ZSWIM6: variants seen among roughly 807,000 people sequenced by gnomAD.
ZSWIM6 encodes the protein zinc finger SWIM domain-containing protein 6.
In ZSWIM6, 9 loss-of-function variants were observed where a neutral mutation model predicts 113.2. That is an observed-to-expected ratio of 0.08 (90% CI 0.05 to 0.14). The LOEUF is 0.14. ZSWIM6 is among the 10% of genes least tolerant of loss of function. The pLI, the probability that ZSWIM6 is intolerant of heterozygous loss-of-function variation, is 1.00. For missense variants in ZSWIM6, 1,162 were observed against 1,552.2 expected, an observed-to-expected ratio of 0.75 and a Z score of 4.22; for synonymous variants, 611 against 606.5, an observed-to-expected ratio of 1.01 and a Z score of -0.11.
At position 61,472,291 on chromosome 5, in the gene ZSWIM6, G is replaced by C. The variant is rs944330482; in HGVS notation, c.677-390G>C. Reference sequence around the variant, plus strand: ...AGCTAGGTGACTCTGCTTAAAAAAGGAGTAGAAAAAAGAAGAAACCACTGA... The same window carrying C: ...AGCTAGGTGACTCTGCTTAAAAAAGCAGTAGAAAAAAGAAGAAACCACTGA... On this transcript the variant is annotated intron_variant, in intron 1 of 13. Coordinates refer to ENST00000252744, the MANE Select transcript of ZSWIM6 (RefSeq NM_020928.2). This position sits in a 1 kb window ranked among gnomAD's most constrained non-coding sequence, Gnocchi z 4.1. 6.6e-6 allele frequency among the ~76,000 whole-genome samples: 1 copy of C among 152,212 alleles called. No homozygotes were observed. The highest frequency in any genetic ancestry group is 2.1e-4 in the South Asian group (1 of 4,820).
At chr5:61,430,767 A>G (rs1410444678) in intron 1 of ZSWIM6, among the ~76,000 whole-genome samples, 1 of 152,200 alleles carries the variant, frequency 6.6e-6, no homozygotes, top group Non-Finnish European at 1.5e-5. Context: ...GATTTTTAAA[A>G]GGCTGTCTAC....
intron 4 of ZSWIM6, among the ~76,000 whole-genome samples, chr5:61,516,537 A>G (rs1313311210): frequency 1.4e-5 from 2 of 138,648 alleles, no homozygotes; most frequent in African/African-American, 2.5e-5. Context: ...TATATATCTT[A>G]TATATATATA....
chr5:61,504,578 C>T (rs1012345255), intron 4 of ZSWIM6, among the ~76,000 whole-genome samples: 1 of 152,144 alleles, frequency 6.6e-6, no homozygotes, highest in African/African-American at 2.4e-5. Flanking sequence ...ATTACAGTTC[C>T]AATCTGATGA....
chr5:61,537,557 G>A (rs1221643868), intron 10 of ZSWIM6, among the ~76,000 whole-genome samples: 2 of 121,440 alleles, frequency 1.6e-5, no homozygotes, highest in Admixed American at 1.5e-4. Flanking sequence ...GATATTCTGA[G>A]TTAAAAAAAA....
intron 4 of ZSWIM6, among the ~76,000 whole-genome samples, chr5:61,514,905 C>T (rs1227777599): frequency 6.6e-6 from 1 of 152,062 alleles, no homozygotes; most frequent in Admixed American, 6.6e-5. Flanking sequence ...GAACCCTTCC[C>T]TCCTCTTCCA....
At chr5:61,421,112 G>A (rs1423249862) in intron 1 of ZSWIM6, among the ~76,000 whole-genome samples, 1 of 152,002 alleles carries the variant, frequency 6.6e-6, no homozygotes, top group African/African-American at 2.4e-5. Flanking sequence ...TAGAGATGGG[G>A]TTTTGCCACG....
intron 1 of ZSWIM6, among the ~76,000 whole-genome samples, chr5:61,339,098 A>G (rs550788794): frequency 2.0e-5 from 3 of 152,304 alleles, no homozygotes; most frequent in South Asian, 2.1e-4. Context: ...TTACACTCAT[A>G]TTCACGGTTA....
intron 4 of ZSWIM6, among the ~76,000 whole-genome samples, chr5:61,497,493 G>C (rs369555651): frequency 4.6e-5 from 7 of 152,068 alleles, no homozygotes; most frequent in Non-Finnish European, 4.4e-5. Flanking sequence ...TAATATAAGT[G>C]CCTATGACAT....
chr5:61,440,629 C>T (rs1369191317), intron 1 of ZSWIM6, among the ~76,000 whole-genome samples: 2 of 152,114 alleles, frequency 1.3e-5, no homozygotes, highest in African/African-American at 4.8e-5. Flanking sequence ...ATACCTTTTC[C>T]CCACAGGTCT....
chr5:61,477,766 A>G (rs1747742863), intron 2 of ZSWIM6, among the ~76,000 whole-genome samples: 1 of 152,210 alleles, frequency 6.6e-6, no homozygotes, highest in Non-Finnish European at 1.5e-5. Context: ...GAGATTTATC[A>G]GGCTGAAACT....
chr5:61,466,327 G>A (rs1351884888), intron 1 of ZSWIM6, among the ~76,000 whole-genome samples: 2 of 151,932 alleles, frequency 1.3e-5, no homozygotes, highest in Non-Finnish European at 2.9e-5. Flanking sequence ...TATCATGGGA[G>A]CATTAACACT....
intron 1 of ZSWIM6, among the ~76,000 whole-genome samples, chr5:61,333,330 T>C (rs1354334276): frequency 2.0e-5 from 3 of 150,838 alleles, no homozygotes; most frequent in Non-Finnish European, 4.4e-5. Flanking sequence ...AGGGTGTGTG[T>C]GGCGGGGCTG....
intron 1 of ZSWIM6, among the ~76,000 whole-genome samples, chr5:61,414,404 G>C (rs1406266385): frequency 2.6e-5 from 4 of 152,160 alleles, no homozygotes; most frequent in Admixed American, 2.6e-4. Flanking sequence ...GAACAGTTTT[G>C]GGACGTGACA....
At chr5:61,468,824 C>T (rs1039192769) in intron 1 of ZSWIM6, among the ~76,000 whole-genome samples, 7 of 152,096 alleles carry the variant, frequency 4.6e-5, no homozygotes, top group Non-Finnish European at 8.8e-5. Context: ...CCAAAATACA[C>T]CACTATACAA....
chr5:61,542,379 TAAG>T (rs974007759), intron 13 of ZSWIM6, among the ~76,000 whole-genome samples: 1 of 152,184 alleles, frequency 6.6e-6, no homozygotes, highest in East Asian at 1.9e-4. Flanking sequence ...TAGCTGGCCA[TAAG>T]AAGATTTCCT....
intron 1 of ZSWIM6, among the ~76,000 whole-genome samples, chr5:61,447,986 G>A (rs1268060057): frequency 2.0e-5 from 3 of 152,192 alleles, no homozygotes; most frequent in Admixed American, 6.5e-5. Flanking sequence ...AGGCAATTGT[G>A]ATGGGTGAGG....
intron 1 of ZSWIM6, among the ~76,000 whole-genome samples, chr5:61,343,885 C>CTTT (rs34203086): frequency 1.4e-5 from 2 of 138,040 alleles, no homozygotes; most frequent in Non-Finnish European, 1.6e-5. Context: ...GCACTTTGGA[C>CTTT]TTTTTTTTTT....
intron 3 of ZSWIM6, among the ~76,000 whole-genome samples, chr5:61,493,319 G>T (rs1748229895): frequency 1.3e-5 from 2 of 152,002 alleles, no homozygotes; most frequent in Non-Finnish European, 2.9e-5. Flanking sequence ...AAGTGAGAGA[G>T]AACCTTTATG....
chr5:61,483,595 A>G (rs4699976), intron 2 of ZSWIM6, among the ~76,000 whole-genome samples: 151,909 of 152,048 alleles, frequency 1, 75,887 homozygotes, highest in Non-Finnish European at 1. Context: ...GTGTCTGGGT[A>G]TGGTGGCTCA....
Sources: allele counts gnomAD v4.1 joint callset (sites outside exome capture counted in the v4.1 genomes callset), GRCh38; gene constraint gnomAD v4.1.1; non-coding constraint Gnocchi (gnomAD v3.1); transcripts MANE v1.5; gene names NCBI Gene and HGNC (gene_info 2026-07-23, HGNC 2026-07-21).